NUP214: variants seen among roughly 807,000 people sequenced by gnomAD.
NUP214 encodes nucleoporin 214.
NUP214 carries 79 observed loss-of-function variants against 196.2 expected under a neutral mutation model. The observed-to-expected ratio is 0.40, with a 90% CI of 0.34 to 0.49. The LOEUF is 0.49. NUP214 is among the 20% of genes least tolerant of loss of function. The probability of loss-of-function intolerance (pLI) is 0.58; values close to 1 mark genes in which losing one functional copy is unlikely to be tolerated. For synonymous variants in NUP214, 1,020 were observed against 990.5 expected (o/e 1.03, Z -0.56); for missense variants, 2,468 against 2,539.0 (o/e 0.97, Z 0.60).
intron 32 of NUP214, among the ~76,000 whole-genome samples, chr9:131,227,553 G>T (rs1272727218): frequency 6.6e-6 from 1 of 152,032 alleles, no homozygotes; most frequent in African/African-American, 2.4e-5. Flanking sequence ...GAGCCATCAG[G>T]CTGTAAATAA....
At chr9:131,166,924 C>A (rs559702622) in intron 21 of NUP214, among the ~76,000 whole-genome samples, 1 of 152,144 alleles carries the variant, frequency 6.6e-6, no homozygotes, top group Non-Finnish European at 1.5e-5. Context: ...CTGAAGACAA[C>A]GCCCCTTATT....
chr9:131,162,800 AT>A, intron 18 of NUP214, 190 bp from the exon 19 acceptor site: 1 of 601,996 alleles, frequency 1.7e-6, no homozygotes, highest in South Asian at 2.0e-5. Context: ...TTTTCTCCAC[AT>A]TCCATTTTAT....
At position 131,163,053 on chromosome 9, in the gene NUP214, T is replaced by G. The variant is rs1308172719; in HGVS notation, c.2603T>G (p.Ile868Ser). The change falls in exon 19 of 36, where the codon ATC becomes AGC. Residue 868 changes from isoleucine (I) to serine (S), a missense_variant. Ile to Ser is a moderately radical substitution (Grantham distance 142). Around this residue, in one of 5 missense-constraint regions of NUP214, gnomAD observed 1,801 missense variants for 1,779.4 expected, o/e 1.01. Coordinates refer to ENST00000359428, the MANE Select transcript of NUP214 (RefSeq NM_005085.4). Reference protein sequence around the residue: ...FNTLANNREIINQQRKRLNHL... With the variant: ...FNTLANNREISNQQRKRLNHL... ...ACCCTAGCCAACAATCGGGAAATCA[T>G]CAACCAACAGAGGAAGAGGCTGAAT... The G allele has an allele frequency of 6.2e-7, 1 of 1,614,218 alleles. No individual in the cohort carries two copies. The highest frequency in any genetic ancestry group is 1.7e-5 in the Admixed American group (1 of 60,022).
intron 24 of NUP214, among the ~76,000 whole-genome samples, chr9:131,185,668 G>GT (rs1318461188): frequency 1.3e-5 from 2 of 152,060 alleles, no homozygotes; most frequent in African/African-American, 4.8e-5. Flanking sequence ...AGAGTATACT[G>GT]TTTTTTTCTG....
chr9:131,197,899 C>T lies in NUP214; in HGVS notation c.4405C>T (p.Pro1469Ser). 2.5e-6 allele frequency: 4 copies of T among 1,614,060 alleles called. No individual in the cohort carries two copies. Among genetic ancestry groups the T allele is most frequent in the East Asian group, 4.5e-5 (2 of 44,884 alleles). The change falls in exon 29 of 36, where the codon CCC becomes TCC. Residue 1469 changes from proline to serine, a missense_variant. By Grantham distance (74) the Pro-to-Ser change is moderately conservative (BLOSUM62 -1). Transcript: ENST00000359428. ...TAATPLPTSF[P>S]TLSFGSLLSS... is the part of the protein sequence containing the mutation. Reference sequence around the variant, plus strand: ...TGCCACTCCCCTTCCAACATCATTCCCCACATTGTCATTTGGTAGCCTCCT... The same window carrying T: ...TGCCACTCCCCTTCCAACATCATTCTCCACATTGTCATTTGGTAGCCTCCT...
Position 131,233,582 on chromosome 9 carries a change from CCATCAAAACACATA to C in NUP214, c.*98_*111del. ...GAGCAGGCTGTTCAGACCGACGTTG[CCATCAAAACACATA>C]CACCCAGAAAGAAACAACAGAAACC... On this transcript the variant is annotated 3_prime_UTR_variant, in exon 36 of 36. Transcript: ENST00000359428. 7.3e-7 allele frequency: 1 copy of C among 1,366,126 alleles called. No individual in the cohort carries two copies. The highest frequency in any genetic ancestry group is 2.3e-5 in the East Asian group (1 of 42,620). 84.6% of individuals were successfully genotyped at this position (1,366,126 alleles called of 1,614,324 possible).
intron 32 of NUP214, among the ~76,000 whole-genome samples, chr9:131,227,253 C>T (rs917993199): frequency 1.3e-5 from 2 of 152,222 alleles, no homozygotes; most frequent in African/African-American, 2.4e-5. Context: ...GTGCCCTGTG[C>T]GTGACCTGAC....
chr9:131,132,502 G>C, intron 5 of NUP214, 94 bp from the exon 6 acceptor site: 2 of 1,050,590 alleles, frequency 1.9e-6, no homozygotes, highest in South Asian at 2.7e-5. Flanking sequence ...AGATGGAACA[G>C]GTAGCATCTA....
intron 22 of NUP214, 57 bp downstream of exon 22, chr9:131,174,375 C>T (rs1018132321): frequency 4.2e-5 from 65 of 1,560,648 alleles, no homozygotes; most frequent in South Asian, 1.4e-4. Context: ...TAACTAATGA[C>T]GGAATTGTAA....
At chr9:131,193,624 C>CTTTTCTTT (rs1833676713) in intron 27 of NUP214, among the ~76,000 whole-genome samples, 3 of 17,658 alleles carry the variant, frequency 1.7e-4, no homozygotes, top group Non-Finnish European at 3.0e-4. Context: ...ATTCTTCTTC[C>CTTTTCTTT]TTTTCTTTTT....
intron 17 of NUP214, among the ~76,000 whole-genome samples, chr9:131,157,614 A>G (rs1198699662): frequency 1.3e-5 from 2 of 151,158 alleles, no homozygotes; most frequent in African/African-American, 2.4e-5. Context: ...ACAGGCGTGC[A>G]CCACCACTCC....
At chr9:131,173,288 C>T (rs926637745) in intron 21 of NUP214, among the ~76,000 whole-genome samples, 3 of 151,228 alleles carry the variant, frequency 2.0e-5, no homozygotes, top group African/African-American at 7.3e-5. Flanking sequence ...GAACTCCTGT[C>T]CTGGTGATCT....
chr9:131,131,692 AT>A (rs1289872801), intron 5 of NUP214, among the ~76,000 whole-genome samples: 2 of 151,158 alleles, frequency 1.3e-5, no homozygotes, highest in Admixed American at 6.6e-5. Flanking sequence ...ATTTATTATT[AT>A]TTTTTTTTGA....
intron 28 of NUP214, among the ~76,000 whole-genome samples, chr9:131,195,947 C>T (rs1301013454): frequency 7.7e-6 from 1 of 129,796 alleles, no homozygotes; most frequent in East Asian, 2.7e-4. Flanking sequence ...ATTGCTTGAA[C>T]CTGGGAGGCA....
intron 17 of NUP214, 77 bp from the exon 18 acceptor site, chr9:131,159,306 C>CT: frequency 1.0e-6 from 1 of 957,194 alleles, no homozygotes; most frequent in Non-Finnish European, 1.6e-6. Context: ...TTTTAGAATT[C>CT]TTTTGACTGT....
At chr9:131,178,534 G>A in intron 24 of NUP214, 124 bp downstream of exon 24, 1 of 668,140 alleles carries the variant, frequency 1.5e-6, no homozygotes, top group Admixed American at 2.6e-5. Context: ...GGTTATAAGG[G>A]GGGTGGCGGC....
intron 11 of NUP214, among the ~76,000 whole-genome samples, chr9:131,142,271 T>C (rs1237324196): frequency 6.6e-6 from 1 of 152,236 alleles, no homozygotes; most frequent in Non-Finnish European, 1.5e-5. Context: ...TTTCTGAGCC[T>C]TTGCTACTAG....
chr9:131,125,942 C>T lies in NUP214; in HGVS notation c.45+193C>T. The T allele has an allele frequency of 4.5e-6, 3 of 667,854 alleles. No homozygotes were observed. Among genetic ancestry groups the T allele is most frequent in the Non-Finnish European group, 7.7e-6 (3 of 390,432 alleles). 41.4% of individuals were successfully genotyped at this position (667,854 alleles called of 1,614,324 possible). The stretch of plus-strand genomic sequence containing the variant: ...CCGAATGCAGTTTCCCAGTCCCATC[C>T]TGGTCTCGTGCACGGCTGTTGAGTT... On this transcript the variant is annotated intron_variant, in intron 1 of 35. Transcript: ENST00000359428. This position sits in a 1 kb window ranked among gnomAD's most constrained non-coding sequence, Gnocchi z 4.1.
intron 24 of NUP214, among the ~76,000 whole-genome samples, chr9:131,178,745 T>C (rs574248863): frequency 6.6e-6 from 1 of 151,236 alleles, no homozygotes; most frequent in African/African-American, 2.4e-5. Flanking sequence ...CCAGAGTTGA[T>C]GCTTTGGGTC....
Sources: allele counts gnomAD v4.1 joint callset (sites outside exome capture counted in the v4.1 genomes callset), GRCh38; gene constraint gnomAD v4.1.1; regional missense constraint gnomAD v4.1.1; non-coding constraint Gnocchi (gnomAD v3.1); transcripts MANE v1.5; gene names NCBI Gene and HGNC (gene_info 2026-07-23, HGNC 2026-07-21).